The following NRG1 variants were observed in gnomAD, a reference collection of about 807,000 sequenced individuals.
NRG1 encodes the protein neuregulin 1.
A neutral mutation model predicts 63.8 loss-of-function variants in NRG1; 18 were observed. The observed-to-expected ratio is 0.28, with a 90% CI of 0.19 to 0.42. NRG1 has a LOEUF of 0.42. Ranked by LOEUF, NRG1 falls within the 10% of genes least tolerant of loss-of-function variation. NRG1 has a pLI of 1.00. For missense variants in NRG1, 762 were observed against 814.7 expected (o/e 0.94, Z 0.79); for synonymous variants, 302 against 301.3 (o/e 1.00, Z -0.02).
intron 1 of NRG1, among the ~76,000 whole-genome samples, chr8:31,802,449 A>G (rs892712446): frequency 6.6e-6 from 1 of 152,192 alleles, no homozygotes; most frequent in African/African-American, 2.4e-5. Context: ...TCATAGAGGT[A>G]TGAAATTGAG....
At chr8:31,799,755 C>A (rs796117609) in intron 1 of NRG1, among the ~76,000 whole-genome samples, 4 of 151,964 alleles carry the variant, frequency 2.6e-5, no homozygotes, top group African/African-American at 9.7e-5. Context: ...TGTATATATA[C>A]ACGTATGCAT....
chr8:32,397,199 A>G (rs1331240505), intron 1 of NRG1, among the ~76,000 whole-genome samples: 1 of 152,160 alleles, frequency 6.6e-6, no homozygotes, highest in Non-Finnish European at 1.5e-5. Context: ...ATTTTTCTAT[A>G]TATTTTCTCT....
chr8:32,049,184 A>G (rs1165352102), intron 1 of NRG1, among the ~76,000 whole-genome samples: 1 of 152,140 alleles, frequency 6.6e-6, no homozygotes, highest in Non-Finnish European at 1.5e-5. Flanking sequence ...AGCCTCTCCA[A>G]AGCTAAGGAA....
chr8:32,636,928 G>A (rs1851445144), intron 5 of NRG1, among the ~76,000 whole-genome samples: 1 of 151,868 alleles, frequency 6.6e-6, no homozygotes, highest in African/African-American at 2.4e-5. Context: ...TGCAGAGAAG[G>A]AAAAAAATAA....
chr8:32,742,781 T>C lies in NRG1; in HGVS notation c.691+48T>C, dbSNP rs1214992656. On this transcript the variant is annotated intron_variant, in intron 7 of 11. Coordinates refer to ENST00000356819, the Ensembl canonical transcript of NRG1. This position sits in a 1 kb window ranked among gnomAD's most constrained non-coding sequence, Gnocchi z 4.2. ...TCTGCCTGAATAGGAGCATGCTCAG[T>C]TGGTGCTGCTTTCTTGTTGCTGCAT... 2 of 1,613,502 alleles carry C rather than the reference T, an allele frequency of 1.2e-6. No homozygotes were observed. The highest frequency in any genetic ancestry group is 2.2e-5 in the South Asian group (2 of 91,060).
intron 1 of NRG1, among the ~76,000 whole-genome samples, chr8:32,443,931 C>T (rs1819894116): frequency 6.6e-6 from 1 of 152,024 alleles, no homozygotes; most frequent in Non-Finnish European, 1.5e-5. Flanking sequence ...TATCATGGCA[C>T]AATGCTTTGA....
chr8:32,415,546 T>C (rs1587499649), intron 1 of NRG1, among the ~76,000 whole-genome samples: 1 of 152,150 alleles, frequency 6.6e-6, no homozygotes, highest in Non-Finnish European at 1.5e-5. Flanking sequence ...ATGTTTATTA[T>C]ATGAAGGAAG....
intron 1 of NRG1, among the ~76,000 whole-genome samples, chr8:32,026,905 A>C (rs1054479133): frequency 2.7e-4 from 41 of 151,890 alleles, no homozygotes; most frequent in African/African-American, 9.9e-4. Context: ...TTATCTCCTT[A>C]TCTGTTCATC....
chr8:31,958,044 CAGATAGATAGAT>C (rs59793665), intron 1 of NRG1, among the ~76,000 whole-genome samples: 66 of 145,840 alleles, frequency 4.5e-4, no homozygotes, highest in African/African-American at 1.6e-3. Flanking sequence ...CAGTAGAGAC[CAGATAGATAGAT>C]AGATAGATAG....
Position 32,539,885 on chromosome 8 carries a change from A to G in NRG1, c.38-55943A>G, listed in dbSNP as rs1832403765. ...CAAAGGTTTTAAGATGAGTGTATCA[A>G]TGTCCCCTAGGCATAAAAAGGATTA... On this transcript the variant is annotated intron_variant, in intron 1 of 10. Coordinates refer to the NRG1 transcript ENST00000519301. 2.0e-5 allele frequency among the ~76,000 whole-genome samples: 3 copies of G among 152,350 alleles called. No homozygotes were observed. In the South Asian group the frequency reaches 6.2e-4, roughly 32 times the overall value.
chr8:32,609,642 T>C (rs1333204572), intron 3 of NRG1, among the ~76,000 whole-genome samples: 3 of 136,432 alleles, frequency 2.2e-5, no homozygotes, highest in Admixed American at 7.4e-5. Context: ...CCTCCCTCTG[T>C]CTGTCTCTCT....
Position 32,764,498 on chromosome 8 carries a change from C to T in NRG1, c.*96C>T, listed in dbSNP as rs991695201. The T allele has an allele frequency of 3.5e-6, 4 of 1,143,390 alleles. No individual in the cohort carries two copies. In the African/African-American group the frequency reaches 6.3e-5, roughly 18 times the overall value. 70.8% of individuals were successfully genotyped at this position (1,143,390 alleles called of 1,614,324 possible). A position where few individuals can be genotyped will look rare whatever the true frequency, so the allele number is the denominator to read the frequency against. ...AACAATTTATTTTATTTTAGCAGTT[C>T]TGCAAATAGAAAACAGGAAAAAAAC... On this transcript the variant is annotated 3_prime_UTR_variant, in exon 12 of 12. Coordinates refer to ENST00000356819, the Ensembl canonical transcript of NRG1.
chr8:32,393,101 A>G (rs1477575802), intron 1 of NRG1, among the ~76,000 whole-genome samples: 5 of 152,182 alleles, frequency 3.3e-5, no homozygotes, highest in Non-Finnish European at 5.9e-5. Flanking sequence ...TGTTGCCTTT[A>G]AAAACAACAA....
rs4733123 is a variant in NRG1, at chr8:32,505,352, C to T, written c.38-90476C>T. Among the ~76,000 whole-genome samples the T allele has an allele frequency of 9.5e-3, 1,444 of 152,216 alleles. 87 individuals are homozygous for T. Among genetic ancestry groups the T allele is most frequent in the Admixed American group, 0.082 (1,251 of 15,276 alleles). On this transcript the variant is annotated intron_variant, in intron 1 of 10. Transcript: ENST00000519301. ...CTTGATCCTCCCATAGGTAGCAATA[C>T]GATGTTTATTTAGGGTGAGAGCTCT...
intron 1 of NRG1, among the ~76,000 whole-genome samples, chr8:32,530,780 C>A (rs973572073): frequency 6.6e-6 from 1 of 151,994 alleles, no homozygotes; most frequent in Non-Finnish European, 1.5e-5. Flanking sequence ...ATTGGGTATT[C>A]GGGGCTTAAA....
At chr8:31,698,541 C>A (rs571973398) in intron 1 of NRG1, among the ~76,000 whole-genome samples, 1 of 152,304 alleles carries the variant, frequency 6.6e-6, no homozygotes, top group African/African-American at 2.4e-5. Context: ...TTCAAATCAT[C>A]TTAACAAATA....
At chr8:32,644,879 A>T (rs1853181506) in intron 5 of NRG1, among the ~76,000 whole-genome samples, 1 of 151,966 alleles carries the variant, frequency 6.6e-6, no homozygotes, top group Admixed American at 6.6e-5. Flanking sequence ...GTGTAAGTTA[A>T]AGACCACTTT....
chr8:32,707,112 G>GTTTA (rs1816629720), intron 5 of NRG1, among the ~76,000 whole-genome samples: 1 of 151,992 alleles, frequency 6.6e-6, no homozygotes, highest in South Asian at 2.1e-4. Context: ...CTGGGCTGCA[G>GTTTA]TCTTATTCAT....
chr8:32,000,259 G>A (rs1812701613), intron 1 of NRG1, among the ~76,000 whole-genome samples: 1 of 151,954 alleles, frequency 6.6e-6, no homozygotes, highest in African/African-American at 2.4e-5. Flanking sequence ...TGAACTGTGG[G>A]TTTTTGTTTA....
Sources: allele counts gnomAD v4.1 joint callset (sites outside exome capture counted in the v4.1 genomes callset), GRCh38; gene constraint gnomAD v4.1.1; non-coding constraint Gnocchi (gnomAD v3.1); transcripts MANE v1.5; gene names NCBI Gene and HGNC (gene_info 2026-07-23, HGNC 2026-07-21).